STARD3: variants seen among roughly 807,000 people sequenced by gnomAD.
STARD3 encodes StAR related lipid transfer domain containing 3.
Under a neutral mutation model 62.0 loss-of-function variants are expected in STARD3, and 39 were observed. That is an observed-to-expected ratio of 0.63 (90% CI 0.49 to 0.82). The LOEUF is 0.82. STARD3 is among the 40% of genes least tolerant of loss of function. STARD3 has a pLI of 0.00. For missense variants in STARD3, 543 were observed against 584.5 expected, an observed-to-expected ratio of 0.93 and a Z score of 0.73; for synonymous variants, 229 against 242.4, an observed-to-expected ratio of 0.94 and a Z score of 0.51.
At chr17:39,642,834 G>A (rs1331513621) in intron 1 of STARD3, among the ~76,000 whole-genome samples, 1 of 152,156 alleles carries the variant, frequency 6.6e-6, no homozygotes, top group Non-Finnish European at 1.5e-5. Flanking sequence ...CTGGGGAGGA[G>A]CTCCCGACAG....
chr17:39,645,282 A>C (rs1286515657), intron 1 of STARD3, among the ~76,000 whole-genome samples: 1 of 152,282 alleles, frequency 6.6e-6, no homozygotes, highest in East Asian at 1.9e-4. Flanking sequence ...CTGCAGCTGG[A>C]TAACCTGGCC....
intron 1 of STARD3, among the ~76,000 whole-genome samples, chr17:39,647,067 C>A (rs1437227600): frequency 6.6e-6 from 1 of 152,048 alleles, no homozygotes; most frequent in Non-Finnish European, 1.5e-5. Context: ...GGCGTGGTGG[C>A]GGGCACCTGT....
chr17:39,642,173 G>A (rs1014191384), intron 1 of STARD3, among the ~76,000 whole-genome samples: 9 of 152,236 alleles, frequency 5.9e-5, no homozygotes, highest in Non-Finnish European at 1.2e-4. Flanking sequence ...TAGAGGCAGC[G>A]AGTGTTGACC....
chr17:39,659,730 G>A (rs1247206163), intron 9 of STARD3, 177 bp downstream of exon 9: 13 of 538,410 alleles, frequency 2.4e-5, no homozygotes, highest in South Asian at 6.3e-5. Flanking sequence ...CGTTTCCCCC[G>A]TGCCCCTTGG....
At chr17:39,649,097 T>G (rs1477338839) in intron 1 of STARD3, among the ~76,000 whole-genome samples, 1 of 151,912 alleles carries the variant, frequency 6.6e-6, no homozygotes, top group East Asian at 1.9e-4. Flanking sequence ...GAAAGACTCA[T>G]AAATGGGAGA....
In STARD3 at chr17:39,660,762, G is replaced by T; in HGVS notation, c.955-48G>T. Reference sequence around the variant, plus strand: ...GGCCTGGGGTGTTCCCATCCCTGGGGTTTTCCTGGGGCGACCTGTTCCAAA... The same window carrying T: ...GGCCTGGGGTGTTCCCATCCCTGGGTTTTTCCTGGGGCGACCTGTTCCAAA... On this transcript the variant is annotated intron_variant, in intron 11 of 14. Coordinates refer to ENST00000336308, the MANE Select transcript of STARD3 (RefSeq NM_006804.4). The surrounding 1 kb of genome is among the most constrained non-coding windows in gnomAD (Gnocchi z 4.8). 6.5e-7 allele frequency: 1 copy of T among 1,540,444 alleles called. No individual in the cohort carries two copies.
chr17:39,657,978 G>A lies in STARD3; in HGVS notation c.381G>A (p.Thr127=), dbSNP rs769561955. 7.6e-6 allele frequency: 12 copies of A among 1,584,342 alleles called. No individual in the cohort carries two copies. Among genetic ancestry groups the A allele is most frequent in the Admixed American group, 1.8e-5 (1 of 56,264 alleles). The stretch of plus-strand genomic sequence containing the variant: ...TCCCTCCCTCCCCTGGGCAGGTCAC[G>A]ACGCTGGTGTCCAGTGCATTCCTCA... The part of the protein sequence containing the change: ...RLRHWWVIAV[T]TLVSSAFLIV... Residue 127 remains threonine (T), a synonymous_variant, in exon 5 of 15, where the codon ACG becomes ACA. Transcript: ENST00000336308.
At chr17:39,643,938 G>A (rs1485434549) in intron 1 of STARD3, among the ~76,000 whole-genome samples, 2 of 152,242 alleles carry the variant, frequency 1.3e-5, no homozygotes, top group African/African-American at 4.8e-5. Flanking sequence ...AGGAAACTGA[G>A]GCATGGTGAG....
intron 5 of STARD3, 109 bp from the exon 6 acceptor site, chr17:39,658,296 C>T: frequency 9.6e-7 from 1 of 1,046,190 alleles, no homozygotes; most frequent in Non-Finnish European, 1.4e-6. Context: ...GCAGCTGCTA[C>T]CAGGAATGGG....
intron 1 of STARD3, among the ~76,000 whole-genome samples, chr17:39,649,661 A>G (rs777405377): frequency 2.0e-5 from 3 of 150,936 alleles, no homozygotes; most frequent in Non-Finnish European, 3.0e-5. Flanking sequence ...GAGGTTGGGA[A>G]TTCAAGACCA....
chr17:39,658,196 GACTT>G (rs1177507955), intron 5 of STARD3, 170 bp downstream of exon 5: 1 of 887,582 alleles, frequency 1.1e-6, no homozygotes, highest in Non-Finnish European at 1.8e-6. Flanking sequence ...CCGCTTCCCT[GACTT>G]AGCCCCTTGC....
intron 9 of STARD3, chr17:39,659,776 G>A: frequency 2.0e-6 from 1 of 503,402 alleles, no homozygotes. Flanking sequence ...TTACTTCCCT[G>A]CTGTTCTGCC....
chr17:39,638,677 A>G (rs907209521), intron 1 of STARD3, among the ~76,000 whole-genome samples: 3 of 152,246 alleles, frequency 2.0e-5, no homozygotes, highest in Admixed American at 6.5e-5. Context: ...CTCCTGGATC[A>G]GACTGCCTGG....
intron 14 of STARD3, 103 bp downstream of exon 14, chr17:39,662,447 C>A: frequency 8.7e-7 from 1 of 1,150,270 alleles, no homozygotes; most frequent in Non-Finnish European, 1.3e-6. Flanking sequence ...CATGCCTGGG[C>A]CTCCCCTTTG....
rs941041434 is a variant in STARD3 at position 39,663,712 on chromosome 17, C to G, written c.*804C>G. Among the ~76,000 whole-genome samples, 2 of 151,284 alleles carry G rather than the reference C, an allele frequency of 1.3e-5. No homozygotes were observed. Among genetic ancestry groups the G allele is most frequent in the Non-Finnish European group, 2.9e-5 (2 of 67,820 alleles). ...TGACTGGTCAGAAAAAAATGCCCCG[C>G]CCCCTGCCAGGCTTCAGCGGGGCAA... is the stretch of plus-strand genomic sequence containing the variant. On this transcript the variant is annotated 3_prime_UTR_variant, in exon 15 of 15. Transcript: ENST00000336308.
chr17:39,639,157 T>G (rs1341646519), intron 1 of STARD3, among the ~76,000 whole-genome samples: 1 of 152,240 alleles, frequency 6.6e-6, no homozygotes, highest in East Asian at 1.9e-4. Context: ...GACAACATAG[T>G]TCACCAGTTA....
intron 1 of STARD3, among the ~76,000 whole-genome samples, chr17:39,639,275 G>C (rs2056962388): frequency 6.6e-6 from 1 of 152,190 alleles, no homozygotes; most frequent in African/African-American, 2.4e-5. Flanking sequence ...GGAGGACACT[G>C]GGGGCAGGGT....
rs1411085486 is a variant in STARD3, at chr17:39,644,692, GAAGAA to G, written c.-52+7474_-52+7478del. ...CTCTACAAAAAAAAAAAAAAAAGAAGAAGAAAAGAAAAGAAAAATTAGCCTGGCAT... is the reference window on the plus strand; with the variant it reads ...CTCTACAAAAAAAAAAAAAAAAGAAGAAGAAAAGAAAAATTAGCCTGGCAT... On this transcript the variant is annotated intron_variant, in intron 1 of 14. Transcript: ENST00000336308. 3.5e-5 allele frequency among the ~76,000 whole-genome samples: 5 copies of G among 144,684 alleles called. No individual in the cohort carries two copies. The East Asian group carries it at 5.9e-4, about 17-fold the overall frequency. The allele number at this position is 144,684 out of a possible 152,430, so 94.9% of individuals were successfully genotyped here.
intron 1 of STARD3, among the ~76,000 whole-genome samples, chr17:39,644,475 A>G (rs1438712958): frequency 1.3e-5 from 2 of 152,138 alleles, no homozygotes; most frequent in Non-Finnish European, 2.9e-5. Context: ...GGGTCAAGAC[A>G]GGTAGCCTCA....
Sources: gnomAD v4.1 joint callset for allele counts (sites outside exome capture counted in the v4.1 genomes callset) on GRCh38, gnomAD v4.1.1 for gene constraint, Gnocchi (gnomAD v3.1) non-coding constraint, MANE v1.5 for transcripts, NCBI Gene and HGNC (gene_info 2026-07-23, HGNC 2026-07-21) for gene names.